The following SLC22A3 variants were observed in gnomAD, a reference collection of about 807,000 sequenced individuals.
SLC22A3 encodes the protein solute carrier family 22 member 3, also known as EMT organic cation transporter 3.
SLC22A3 carries 51 observed loss-of-function variants against 59.1 expected under a neutral mutation model. The ratio of observed to expected loss-of-function variants is 0.86; its 90% CI spans 0.69 to 1.09. The LOEUF (loss-of-function observed/expected upper bound fraction) is 1.09, where lower values mean the gene tolerates loss of function less well. SLC22A3 is among the 50% of genes least tolerant of loss of function. SLC22A3 has a pLI of 0.00. For synonymous variants in SLC22A3, 325 were observed against 292.0 expected, an observed-to-expected ratio of 1.11 and a Z score of -1.15; for missense variants, 711 against 726.3, an observed-to-expected ratio of 0.98 and a Z score of 0.24.
chr6:160,447,085 T>A (rs1473262811), intron 9 of SLC22A3, among the ~76,000 whole-genome samples: 3 of 152,196 alleles, frequency 2.0e-5, no homozygotes, highest in Admixed American at 1.3e-4. Flanking sequence ...GGGTGGCTTT[T>A]CAAGAAGTTT....
intron 2 of SLC22A3, among the ~76,000 whole-genome samples, chr6:160,404,668 A>T (rs1374825840): frequency 6.6e-6 from 1 of 152,086 alleles, no homozygotes; most frequent in African/African-American, 2.4e-5. Flanking sequence ...AAGCCAGAGG[A>T]CTGGCACTAC....
intron 10 of SLC22A3, among the ~76,000 whole-genome samples, chr6:160,448,450 A>G (rs1415916361): frequency 3.9e-5 from 6 of 152,130 alleles, no homozygotes; most frequent in Non-Finnish European, 4.4e-5. Context: ...TAGATGATAG[A>G]TGATAGATAG....
chr6:160,441,813 A>G (rs1029083676), intron 7 of SLC22A3, among the ~76,000 whole-genome samples: 17 of 152,222 alleles, frequency 1.1e-4, no homozygotes, highest in African/African-American at 4.1e-4. Flanking sequence ...TGAAAGGCAC[A>G]TGAACACTGG....
intron 1 of SLC22A3, among the ~76,000 whole-genome samples, chr6:160,379,864 T>G (rs1299350466): frequency 6.6e-6 from 1 of 152,226 alleles, no homozygotes; most frequent in Non-Finnish European, 1.5e-5. Context: ...TCAAAAGTGT[T>G]GAGTCATTTT....
chr6:160,408,564 G>A (rs1345614442), intron 3 of SLC22A3, among the ~76,000 whole-genome samples, 189 bp from the exon 4 acceptor site: 1 of 152,146 alleles, frequency 6.6e-6, no homozygotes, highest in Non-Finnish European at 1.5e-5. Context: ...AGGTGAGAGT[G>A]GGAGAAAAGC....
chr6:160,443,483 A>G (rs1788624953), intron 8 of SLC22A3, 147 bp from the exon 9 acceptor site: 3 of 659,520 alleles, frequency 4.5e-6, no homozygotes, highest in Non-Finnish European at 8.2e-6. Flanking sequence ...TGTTTTGCTT[A>G]GAGTTCTGAG....
At chr6:160,350,295 A>G (rs544359330) in intron 1 of SLC22A3, among the ~76,000 whole-genome samples, 8 of 152,284 alleles carry the variant, frequency 5.3e-5, no homozygotes, top group Non-Finnish European at 8.8e-5. Context: ...GTGTTCGCAC[A>G]CTGAGTGGCT....
chr6:160,354,000 A>G (rs1041338792), intron 1 of SLC22A3, among the ~76,000 whole-genome samples: 6 of 152,268 alleles, frequency 3.9e-5, no homozygotes, highest in African/African-American at 1.4e-4. Context: ...AGGGATGGGC[A>G]ACTGATAATA....
intron 5 of SLC22A3, among the ~76,000 whole-genome samples, chr6:160,433,925 G>C (rs183563605): frequency 2.0e-5 from 3 of 152,298 alleles, no homozygotes; most frequent in Admixed American, 2.0e-4. Context: ...GTAATAAATT[G>C]CTGTGAATAT....
intron 1 of SLC22A3, among the ~76,000 whole-genome samples, chr6:160,350,951 G>A (rs147752693): frequency 6.6e-5 from 10 of 152,214 alleles, no homozygotes; most frequent in African/African-American, 2.2e-4. Flanking sequence ...GATTCAGCCC[G>A]TTACAATGCT....
chr6:160,445,739 C>T (rs1163000016), intron 9 of SLC22A3, among the ~76,000 whole-genome samples: 1 of 152,176 alleles, frequency 6.6e-6, no homozygotes, highest in Non-Finnish European at 1.5e-5. Context: ...AGGGAGAAAG[C>T]ATGGTGACCT....
In SLC22A3 at chr6:160,428,410, G is replaced by A. The variant is rs369953463; in HGVS notation, c.976-8370G>A. Among the ~76,000 whole-genome samples the A allele has an allele frequency of 2.5e-3, 386 of 152,320 alleles. 1 individual carries two copies. The highest frequency in any genetic ancestry group is 4.3e-3 in the Non-Finnish European group (291 of 68,038). ...TGACCAGACTCGCTCAGTGCAGCAC[G>A]GTAGCTCCTAGCCTCATGTGCAGTC... On this transcript the variant is annotated intron_variant, in intron 5 of 10. Transcript: ENST00000275300.
chr6:160,439,112 G>C (rs9456540), intron 7 of SLC22A3, among the ~76,000 whole-genome samples: 3,737 of 152,062 alleles, frequency 0.025, 139 homozygotes, highest in African/African-American at 0.084. Context: ...CTCTTAATAC[G>C]TATCTATTTA....
At chr6:160,393,726 T>C (rs1272336589) in intron 1 of SLC22A3, among the ~76,000 whole-genome samples, 1 of 152,234 alleles carries the variant, frequency 6.6e-6, no homozygotes, top group Non-Finnish European at 1.5e-5. Context: ...CCTTTGACCT[T>C]TGTAAATGGG....
At chr6:160,376,239 G>A (rs939452554) in intron 1 of SLC22A3, among the ~76,000 whole-genome samples, 2 of 152,044 alleles carry the variant, frequency 1.3e-5, no homozygotes, top group African/African-American at 4.8e-5. Flanking sequence ...AACTAACACA[G>A]GAACAGAAAA....
chr6:160,443,231 G>A (rs764486771), intron 8 of SLC22A3, among the ~76,000 whole-genome samples: 5 of 152,242 alleles, frequency 3.3e-5, no homozygotes, highest in Non-Finnish European at 7.3e-5. Context: ...TGCATTACAT[G>A]CATTGCAGTG....
intron 2 of SLC22A3, among the ~76,000 whole-genome samples, chr6:160,402,560 C>T (rs1448102561): frequency 1.3e-5 from 2 of 151,796 alleles, no homozygotes; most frequent in Admixed American, 1.3e-4. Context: ...CTTTAGACAA[C>T]CTTATCTAAC....
chr6:160,415,653 C>T lies in SLC22A3; in HGVS notation c.975+4807C>T, dbSNP rs780269858. Among the ~76,000 whole-genome samples, 34 of 152,300 alleles carry T rather than the reference C, an allele frequency of 2.2e-4. No homozygotes were observed. The highest frequency in any genetic ancestry group is 4.6e-4 in the Non-Finnish European group (31 of 68,028). On this transcript the variant is annotated intron_variant, in intron 5 of 10. Transcript: ENST00000275300. The surrounding 1 kb of genome is among the most constrained non-coding windows in gnomAD (Gnocchi z 4.1). ...ACTGTGTAAATGACCTCATCCTTCACGACCTCTCTAATTCCCACCTCATTC... is the reference window on the plus strand; with the variant it reads ...ACTGTGTAAATGACCTCATCCTTCATGACCTCTCTAATTCCCACCTCATTC...
chr6:160,404,977 G>A (rs1347170477), intron 2 of SLC22A3, among the ~76,000 whole-genome samples: 1 of 151,004 alleles, frequency 6.6e-6, no homozygotes, highest in Non-Finnish European at 1.5e-5. Flanking sequence ...GGATGGGATA[G>A]GAAAAAAATC....
Sources: gnomAD v4.1 joint callset for allele counts (sites outside exome capture counted in the v4.1 genomes callset) on GRCh38, gnomAD v4.1.1 for gene constraint, Gnocchi (gnomAD v3.1) non-coding constraint, MANE v1.5 for transcripts, NCBI Gene and HGNC (gene_info 2026-07-23, HGNC 2026-07-21) for gene names.